The following RAB19 variants were observed in gnomAD, a reference collection of about 807,000 sequenced individuals.
The protein encoded by RAB19 is ras-related protein Rab-19.
In RAB19, 21 loss-of-function variants were observed where a neutral mutation model predicts 17.3. That is an observed-to-expected ratio of 1.21 (90% CI 0.86 to 1.74). The LOEUF (loss-of-function observed/expected upper bound fraction) is 1.74. RAB19 is among the 40% of genes most tolerant of loss of function. The pLI is 0.00. For missense variants in RAB19, 277 were observed against 286.8 expected, an observed-to-expected ratio of 0.97 and a Z score of 0.25; for synonymous variants, 126 against 110.4, an observed-to-expected ratio of 1.14 and a Z score of -0.88.
chr7:140,414,806 A>G (rs772520911), intron 3 of RAB19, among the ~76,000 whole-genome samples: 2 of 152,136 alleles, frequency 1.3e-5, no homozygotes, highest in Non-Finnish European at 2.9e-5. Flanking sequence ...TTATCAGCAC[A>G]GGAATGACCC....
intron 3 of RAB19, among the ~76,000 whole-genome samples, chr7:140,415,723 C>T (rs1035588545): frequency 6.6e-5 from 10 of 151,620 alleles, no homozygotes; most frequent in Non-Finnish European, 1.0e-4. Context: ...GAGGCCAAGG[C>T]GGGCGGATTA....
chr7:140,412,287 T>C (rs1044172935), intron 3 of RAB19, among the ~76,000 whole-genome samples: 1 of 151,942 alleles, frequency 6.6e-6, no homozygotes, highest in South Asian at 2.1e-4. Context: ...CCGTCTCTAC[T>C]AAAAATACAA....
chr7:140,424,613 CTCTCTCTATATA>C (rs1160423202), intron 3 of RAB19, among the ~76,000 whole-genome samples: 3 of 79,240 alleles, frequency 3.8e-5, no homozygotes, highest in East Asian at 7.9e-4. Flanking sequence ...CTCTCTCTCT[CTCTCTCTATATA>C]TATATATATA....
chr7:140,425,559 T>C (rs1291008325), intron 3 of RAB19, among the ~76,000 whole-genome samples: 1 of 151,676 alleles, frequency 6.6e-6, no homozygotes, highest in Admixed American at 6.6e-5. Flanking sequence ...ACACCTTCTC[T>C]ACTAAAAATA....
intron 1 of RAB19, among the ~76,000 whole-genome samples, chr7:140,407,065 A>C (rs943419747): frequency 2.0e-5 from 3 of 152,094 alleles, no homozygotes; most frequent in Non-Finnish European, 2.9e-5. Flanking sequence ...TTGTATTTTT[A>C]GTAGAGATGG....
At chr7:140,416,902 C>A (rs1799467726) in intron 3 of RAB19, among the ~76,000 whole-genome samples, 2 of 151,892 alleles carry the variant, frequency 1.3e-5, no homozygotes, top group South Asian at 4.2e-4. Flanking sequence ...TCAGCCCAGG[C>A]AACATAGTGA....
chr7:140,421,992 A>G (rs763742472), intron 3 of RAB19, among the ~76,000 whole-genome samples: 23 of 152,196 alleles, frequency 1.5e-4, no homozygotes, highest in Admixed American at 9.2e-4. Context: ...TCTGCCTTTT[A>G]CATTTAGATC....
chr7:140,420,306 A>G (rs1457596692), intron 3 of RAB19, among the ~76,000 whole-genome samples: 1 of 151,908 alleles, frequency 6.6e-6, no homozygotes, highest in East Asian at 1.9e-4. Flanking sequence ...CTGTAATCCC[A>G]GCTACTCAAG....
At chr7:140,404,642 T>C (rs957443246) in intron 1 of RAB19, among the ~76,000 whole-genome samples, 2 of 152,146 alleles carry the variant, frequency 1.3e-5, no homozygotes, top group African/African-American at 4.8e-5. Context: ...TCCTTGTCTA[T>C]GACTTTAGAG....
intron 3 of RAB19, among the ~76,000 whole-genome samples, chr7:140,413,875 C>T (rs573971828): frequency 1.3e-5 from 2 of 152,182 alleles, no homozygotes; most frequent in African/African-American, 4.8e-5. Context: ...AGGCGGAATG[C>T]ACGCATCTCA....
chr7:140,418,322 C>G (rs753779510), intron 3 of RAB19, among the ~76,000 whole-genome samples: 1 of 136,600 alleles, frequency 7.3e-6, no homozygotes, highest in Non-Finnish European at 1.5e-5. Flanking sequence ...GAGGCTGAGG[C>G]GGGTGGATTG....
intron 3 of RAB19, among the ~76,000 whole-genome samples, chr7:140,424,793 T>C (rs929738097): frequency 2.6e-5 from 4 of 151,656 alleles, no homozygotes; most frequent in Admixed American, 1.3e-4. Context: ...GAAAAAAATA[T>C]CTACAGAGGC....
intron 3 of RAB19, among the ~76,000 whole-genome samples, chr7:140,424,708 A>T (rs1253828959): frequency 2.8e-5 from 4 of 142,126 alleles, no homozygotes; most frequent in African/African-American, 1.1e-4. Context: ...TACATATATA[A>T]TGACTTCCCA....
chr7:140,404,634 C>T (rs1799202920), intron 1 of RAB19, among the ~76,000 whole-genome samples: 1 of 152,008 alleles, frequency 6.6e-6, no homozygotes, highest in South Asian at 2.1e-4. Context: ...ACAGAGTGTC[C>T]TTGTCTATGA....
intron 1 of RAB19, among the ~76,000 whole-genome samples, chr7:140,406,184 A>T (rs1218004723): frequency 1.4e-5 from 2 of 144,230 alleles, no homozygotes; most frequent in African/African-American, 5.2e-5. Flanking sequence ...CGGAGGTTGC[A>T]GTGCAGTGAG....
intron 3 of RAB19, among the ~76,000 whole-genome samples, chr7:140,424,649 GTATATATGTGTGTGTA>G (rs1799629184): frequency 8.0e-6 from 1 of 125,232 alleles, no homozygotes; most frequent in Non-Finnish European, 1.6e-5. Flanking sequence ...ATGTGTGTGT[GTATATATGTGTGTGTA>G]TATATATATA....
rs549518414 is a variant in RAB19, at chr7:140,427,034, G to A, written c.*884G>A. Among the ~76,000 whole-genome samples, 108 of 151,134 alleles carry A rather than the reference G, an allele frequency of 7.1e-4. No homozygotes were observed. Among genetic ancestry groups the A allele is most frequent in the African/African-American group, 2.4e-3 (100 of 41,194 alleles). On this transcript the variant is annotated 3_prime_UTR_variant, in exon 4 of 4. Coordinates refer to ENST00000537763, the MANE Select transcript of RAB19 (RefSeq NM_001008749.3). Reference sequence around the variant, plus strand: ...TTTTTGTATTTTTTGTAGAGACAAGGTTTCACCATGTTGCTCAGGCTGATC... The same window carrying A: ...TTTTTGTATTTTTTGTAGAGACAAGATTTCACCATGTTGCTCAGGCTGATC...
chr7:140,410,607 T>C (rs1799341752), intron 2 of RAB19, among the ~76,000 whole-genome samples: 1 of 151,996 alleles, frequency 6.6e-6, no homozygotes, highest in Non-Finnish European at 1.5e-5. Flanking sequence ...ATTACAGGCG[T>C]GAGCCACCGC....
At chr7:140,406,359 G>A (rs1021710710) in intron 1 of RAB19, among the ~76,000 whole-genome samples, 19 of 151,848 alleles carry the variant, frequency 1.3e-4, no homozygotes, top group Admixed American at 1.1e-3. Context: ...TAATTTTCTG[G>A]CGGCGCGTGA....
Sources: allele counts gnomAD v4.1 joint callset (sites outside exome capture counted in the v4.1 genomes callset), GRCh38; gene constraint gnomAD v4.1.1; transcripts MANE v1.5; gene names NCBI Gene and HGNC (gene_info 2026-07-23, HGNC 2026-07-21).